The following FNDC3B variants were observed in gnomAD, a reference collection of about 807,000 sequenced individuals.
FNDC3B encodes fibronectin type III domain-containing protein 3B.
Under a neutral mutation model 151.5 loss-of-function variants are expected in FNDC3B, and 12 were observed. The ratio of observed to expected loss-of-function variants is 0.08; its 90% CI spans 0.05 to 0.13. The LOEUF is 0.13. Ranked by LOEUF, FNDC3B falls within the 10% of genes least tolerant of loss-of-function variation. The probability of loss-of-function intolerance (pLI) is 1.00; values close to 1 mark genes in which losing one functional copy is unlikely to be tolerated. For synonymous variants in FNDC3B, 528 were observed against 549.0 expected, an observed-to-expected ratio of 0.96 and a Z score of 0.54; for missense variants, 1,214 against 1,505.3, an observed-to-expected ratio of 0.81 and a Z score of 3.20.
At chr3:172,080,159 A>G (rs1430989270) in intron 1 of FNDC3B, among the ~76,000 whole-genome samples, 1 of 152,216 alleles carries the variant, frequency 6.6e-6, no homozygotes, top group Non-Finnish European at 1.5e-5. Context: ...CAGGGCTTTG[A>G]AAGGAGATTG....
intron 3 of FNDC3B, among the ~76,000 whole-genome samples, chr3:172,183,574 TA>T (rs1436061806): frequency 6.6e-6 from 1 of 152,232 alleles, no homozygotes; most frequent in East Asian, 1.9e-4. Context: ...TGTCTTCAGG[TA>T]ACACTACATT....
intron 25 of FNDC3B, among the ~76,000 whole-genome samples, chr3:172,393,306 G>A (rs773958568): frequency 2.0e-5 from 3 of 152,214 alleles, no homozygotes; most frequent in African/African-American, 7.2e-5. Context: ...ATAATGATAA[G>A]AGCATCAATT....
chr3:172,180,756 A>G (rs762784048), intron 3 of FNDC3B, among the ~76,000 whole-genome samples: 6 of 152,232 alleles, frequency 3.9e-5, no homozygotes, highest in Non-Finnish European at 5.9e-5. Flanking sequence ...AGATGCCCAT[A>G]TAGGAAAGAG....
intron 6 of FNDC3B, among the ~76,000 whole-genome samples, chr3:172,254,422 A>G (rs1486559914): frequency 6.6e-6 from 1 of 152,238 alleles, no homozygotes; most frequent in East Asian, 1.9e-4. Flanking sequence ...GAAAATTATT[A>G]TACTATCATA....
chr3:172,056,165 A>G (rs1716910086), intron 1 of FNDC3B, among the ~76,000 whole-genome samples: 1 of 151,888 alleles, frequency 6.6e-6, no homozygotes, highest in Admixed American at 6.6e-5. Flanking sequence ...TAGAGGGAGG[A>G]TTCTAGCCTG....
At chr3:172,186,653 A>G (rs1724200437) in intron 3 of FNDC3B, 7 of 673,992 alleles carry the variant, frequency 1.0e-5, no homozygotes. Context: ...CAAGAAAATC[A>G]TGGAAAATTT....
At chr3:172,069,963 G>C (rs1717686439) in intron 1 of FNDC3B, among the ~76,000 whole-genome samples, 1 of 152,152 alleles carries the variant, frequency 6.6e-6, no homozygotes, top group Admixed American at 6.5e-5. Flanking sequence ...TTTCAGATGA[G>C]AAAACCTAGT....
chr3:172,300,614 G>A (rs780865897), intron 9 of FNDC3B, among the ~76,000 whole-genome samples: 6 of 152,150 alleles, frequency 3.9e-5, no homozygotes, highest in Non-Finnish European at 7.3e-5. Flanking sequence ...GGAGCATGAC[G>A]TGGTTACCAT....
At chr3:172,277,451 T>C (rs1283706446) in intron 6 of FNDC3B, among the ~76,000 whole-genome samples, 1 of 152,152 alleles carries the variant, frequency 6.6e-6, no homozygotes, top group Non-Finnish European at 1.5e-5. Context: ...AGTACCCTTA[T>C]AAGGACATCA....
intron 4 of FNDC3B, chr3:172,227,191 T>A (rs986737775): frequency 2.7e-6 from 1 of 365,962 alleles, no homozygotes; most frequent in Non-Finnish European, 5.0e-6. Flanking sequence ...GTTTTTATAT[T>A]TGATTGTTTG....
chr3:172,289,073 A>G (rs1730179097), intron 7 of FNDC3B, among the ~76,000 whole-genome samples: 1 of 152,228 alleles, frequency 6.6e-6, no homozygotes, highest in African/African-American at 2.4e-5. Context: ...TTATTGTCAT[A>G]AAGGTCTAGA....
intron 1 of FNDC3B, among the ~76,000 whole-genome samples, chr3:172,050,355 T>G (rs1015615025): frequency 2.6e-5 from 4 of 152,020 alleles, no homozygotes; most frequent in African/African-American, 9.7e-5. Context: ...GGTGTGATAG[T>G]AATGTGTACA....
chr3:172,131,921 T>C (rs1721124848), intron 2 of FNDC3B, among the ~76,000 whole-genome samples: 1 of 152,188 alleles, frequency 6.6e-6, no homozygotes, highest in Non-Finnish European at 1.5e-5. Context: ...GTGAAAGTAG[T>C]TATTGAGCAC....
At chr3:172,337,301 T>C in intron 15 of FNDC3B, 29 bp from the exon 16 acceptor site, 1 of 1,459,082 alleles carries the variant, frequency 6.9e-7, no homozygotes, top group Non-Finnish European at 9.6e-7. Context: ...ATCCTTTTAT[T>C]GCTAATAAGA....
intron 11 of FNDC3B, among the ~76,000 whole-genome samples, chr3:172,327,620 G>A (rs1316494597): frequency 6.6e-6 from 1 of 152,178 alleles, no homozygotes; most frequent in Non-Finnish European, 1.5e-5. Context: ...TAGCCAGGAT[G>A]GTCTGGATCT....
At chr3:172,237,831 T>A (rs1297241137) in intron 4 of FNDC3B, among the ~76,000 whole-genome samples, 1 of 152,218 alleles carries the variant, frequency 6.6e-6, no homozygotes, top group Non-Finnish European at 1.5e-5. Flanking sequence ...TTTTCCTGAT[T>A]CAGAAGAGGA....
At chr3:172,216,858 C>A (rs749220252) in intron 3 of FNDC3B, among the ~76,000 whole-genome samples, 124 of 151,928 alleles carry the variant, frequency 8.2e-4, no homozygotes, top group Non-Finnish European at 1.5e-3. Flanking sequence ...TTTTGTTTTT[C>A]CAAAGATAAT....
intron 1 of FNDC3B, among the ~76,000 whole-genome samples, chr3:172,097,025 CTAGT>C (rs1268117586): frequency 3.3e-5 from 5 of 152,128 alleles, no homozygotes; most frequent in African/African-American, 1.2e-4. Flanking sequence ...GTCTTTTGTG[CTAGT>C]TAGAGACTAG....
At chr3:172,309,757 C>A (rs1397940800) in intron 10 of FNDC3B, among the ~76,000 whole-genome samples, 1 of 152,138 alleles carries the variant, frequency 6.6e-6, no homozygotes, top group Non-Finnish European at 1.5e-5. Flanking sequence ...CTGAGTGCTT[C>A]CTATAAAACT....
Sources: gnomAD v4.1 joint callset for allele counts (sites outside exome capture counted in the v4.1 genomes callset) on GRCh38, gnomAD v4.1.1 for gene constraint, MANE v1.5 for transcripts, NCBI Gene and HGNC (gene_info 2026-07-23, HGNC 2026-07-21) for gene names.